The following KIF2C variants were observed in gnomAD, a reference collection of about 807,000 sequenced individuals.
KIF2C encodes the protein kinesin family member 2C.
In KIF2C, 34 loss-of-function variants were observed where a neutral mutation model predicts 97.4. That is an observed-to-expected ratio of 0.35 (90% CI 0.27 to 0.46). The LOEUF is 0.46. Among genes scored for constraint, KIF2C ranks in the 20% least tolerant of loss-of-function variants. KIF2C has a pLI of 1.00. For synonymous variants in KIF2C, 313 were observed against 318.2 expected, an observed-to-expected ratio of 0.98 and a Z score of 0.17; for missense variants, 750 against 907.6, an observed-to-expected ratio of 0.83 and a Z score of 2.23.
Position 44,760,700 on chromosome 1 carries a change from A to T in KIF2C, c.1681A>T (p.Met561Leu). 6.2e-7 allele frequency: 1 copy of T among 1,611,358 alleles called. No individual in the cohort carries two copies. The highest frequency in any genetic ancestry group is 8.5e-7 in the Non-Finnish European group (1 of 1,177,504). ...CATTGGGGAGAACTCTAGGACTTGC[A>T]TGGTGAGTAGGGTCACTTTGAAGGT... ...SFIGENSRTC[M>L]IATISPGISS... Residue 561 changes from methionine to leucine, a missense_variant and splice_region_variant, in exon 16 of 21, where the codon ATG becomes TTG. Transcript: ENST00000372224. This position sits in a 1 kb window ranked among gnomAD's most constrained non-coding sequence, Gnocchi z 4.2.
In KIF2C at chr1:44,767,235, C is replaced by G; in HGVS notation, c.*56C>G. The G allele has an allele frequency of 6.5e-7, 1 of 1,530,018 alleles. No individual in the cohort carries two copies. Among genetic ancestry groups the G allele is most frequent in the Non-Finnish European group, 9.0e-7 (1 of 1,106,510 alleles). 94.8% of individuals were successfully genotyped at this position (1,530,018 alleles called of 1,614,324 possible). On this transcript the variant is annotated 3_prime_UTR_variant, in exon 21 of 21. Coordinates refer to ENST00000372224, the MANE Select transcript of KIF2C (RefSeq NM_006845.4). ...CACCCAGCCTCTTCCCTGGCCCTCC[C>G]CAGAGAACTTTGGGTACCTGGTGGG...
At chr1:44,753,885 C>A in intron 7 of KIF2C, 52 bp downstream of exon 7, 3 of 1,029,278 alleles carry the variant, frequency 2.9e-6, no homozygotes, top group East Asian at 2.6e-5. Flanking sequence ...TGTCCTTAAC[C>A]GAAACTCTAC....
chr1:44,749,082 A>AG (rs1460344363), intron 4 of KIF2C, among the ~76,000 whole-genome samples: 1 of 152,148 alleles, frequency 6.6e-6, no homozygotes, highest in Non-Finnish European at 1.5e-5. Context: ...AGATCACCTG[A>AG]GGTCAGGAGT....
intron 7 of KIF2C, 122 bp downstream of exon 7, chr1:44,753,955 A>G (rs1245232131): frequency 7.2e-5 from 14 of 193,192 alleles, no homozygotes; most frequent in African/African-American, 3.5e-4. Context: ...TGAGGCCCCA[A>G]TTCTTTTTTT....
chr1:44,739,864 GAC>G lies in KIF2C; in HGVS notation c.-68_-67del, dbSNP rs1360159282. The G allele has an allele frequency of 1.4e-5, 20 of 1,427,460 alleles. No homozygotes were observed. The highest frequency in any genetic ancestry group is 1.7e-4 in the Middle Eastern group (1 of 5,724). 88.4% of individuals were successfully genotyped at this position (1,427,460 alleles called of 1,614,324 possible). On this transcript the variant is annotated 5_prime_UTR_variant, in exon 1 of 21. Transcript: ENST00000372224. Reference sequence around the variant, plus strand: ...ACTGCGGCGGTTTACGCGGCGTTAAGACTTCGTAGGGTTAGCGAAATTGAGGT... The same window carrying G: ...ACTGCGGCGGTTTACGCGGCGTTAAGTTCGTAGGGTTAGCGAAATTGAGGT...
intron 2 of KIF2C, among the ~76,000 whole-genome samples, chr1:44,743,367 C>T (rs1414513333): frequency 6.6e-5 from 10 of 152,166 alleles, no homozygotes; most frequent in African/African-American, 1.9e-4. Flanking sequence ...ATAATGTCTA[C>T]CTCACAGGGT....
At chr1:44,767,072 TA>T (rs1650507892) in intron 20 of KIF2C, 24 bp from the exon 21 acceptor site, 9 of 1,613,130 alleles carry the variant, frequency 5.6e-6, no homozygotes, top group Non-Finnish European at 6.8e-6. Flanking sequence ...ACTAACCCCA[TA>T]TGTACCGCTA....
chr1:44,764,758 C>A (rs1389675535), intron 19 of KIF2C, among the ~76,000 whole-genome samples: 5 of 152,086 alleles, frequency 3.3e-5, no homozygotes, highest in African/African-American at 1.2e-4. Flanking sequence ...ATCCTCCCGC[C>A]CCGACCTCCC....
At chr1:44,759,090 C>T in intron 13 of KIF2C, 116 bp from the exon 14 acceptor site, 1 of 1,346,756 alleles carries the variant, frequency 7.4e-7, no homozygotes, top group Non-Finnish European at 1.0e-6. Context: ...AGTTCGTATT[C>T]TCTGCCTTTC....
intron 5 of KIF2C, among the ~76,000 whole-genome samples, chr1:44,751,220 A>G (rs944965763): frequency 1.3e-5 from 2 of 151,730 alleles, no homozygotes; most frequent in African/African-American, 2.4e-5. Flanking sequence ...ATTGAGACAG[A>G]GTCTCACTCT....
Position 44,754,845 on chromosome 1 carries a change from T to C in KIF2C, c.759T>C (p.Pro253=). 6.4e-7 allele frequency: 1 copy of C among 1,559,324 alleles called. No individual in the cohort carries two copies. Among genetic ancestry groups the C allele is most frequent in the Middle Eastern group, 1.7e-4 (1 of 5,964 alleles). The stretch of plus-strand genomic sequence containing the variant: ...GTCATCCACTTACTATGACTGATCC[T>C]GTAAGTACATCCAAAGAACTTCTCT... The part of the protein sequence containing the change: ...LECHPLTMTD[P]IEEHRICVCV... The change falls in exon 8 of 21, where the codon CCT becomes CCC. Residue 253 remains proline, a splice_region_variant and synonymous_variant. Transcript: ENST00000372224.
chr1:44,749,844 C>T (rs768532624), intron 4 of KIF2C, among the ~76,000 whole-genome samples: 14 of 151,416 alleles, frequency 9.2e-5, no homozygotes, highest in Admixed American at 2.0e-4. Context: ...TTTGGGAGGC[C>T]GAGGCGGGTG....
intron 5 of KIF2C, 137 bp downstream of exon 5, chr1:44,750,701 TTTC>T (rs1649466254): frequency 9.7e-7 from 1 of 1,027,774 alleles, no homozygotes; most frequent in South Asian, 3.7e-5. Flanking sequence ...CCAACACGGC[TTTC>T]TTATTTGGAA....
chr1:44,747,289 C>T lies in KIF2C; in HGVS notation c.166-95C>T, dbSNP rs556418707. On this transcript the variant is annotated intron_variant, in intron 2 of 20. Transcript: ENST00000372224. ...CACCACTGCCCTCCAGCCTGGGCGA[C>T]AGAGCGATACTCTGTCTCAAAAAAA... 75 of 1,023,414 alleles carry T rather than the reference C, an allele frequency of 7.3e-5. 1 individual carries two copies. The East Asian group carries it at 1.6e-3, about 22-fold the overall frequency. The allele number at this position is 1,023,414 out of a possible 1,614,324, so 63.4% of individuals were successfully genotyped here.
At chr1:44,762,718 C>A in intron 19 of KIF2C, 60 bp downstream of exon 19, 1 of 1,092,818 alleles carries the variant, frequency 9.2e-7, no homozygotes, top group Non-Finnish European at 1.4e-6. Context: ...ATGCTCCACA[C>A]CATTCCCAGA....
rs1650539719 is a variant in KIF2C, at chr1:44,767,553, C to CT, written c.*377dup. The CT allele has an allele frequency of 4.6e-6, 1 of 215,146 alleles. No homozygotes were observed. The highest frequency in any genetic ancestry group is 9.5e-6 in the Non-Finnish European group (1 of 104,902). The allele number at this position is 215,146 out of a possible 1,614,324, so 13.3% of individuals were successfully genotyped here. A position where few individuals can be genotyped will look rare whatever the true frequency, so the allele number is the denominator to read the frequency against. ...CTGGCTCTGGGGAGAGAGACGGAGC[C>CT]TTTAGTACAGCTATCTGCTGGCTCT... On this transcript the variant is annotated 3_prime_UTR_variant, in exon 21 of 21. Coordinates refer to ENST00000372224, the MANE Select transcript of KIF2C (RefSeq NM_006845.4).
chr1:44,765,478 AAAG>A (rs1650410639), intron 19 of KIF2C, among the ~76,000 whole-genome samples: 1 of 151,924 alleles, frequency 6.6e-6, no homozygotes, highest in East Asian at 1.9e-4. Flanking sequence ...AGAAAGAAAG[AAAG>A]AAAAAAACCA....
At chr1:44,754,035 A>C (rs1051632699) in intron 7 of KIF2C, among the ~76,000 whole-genome samples, 9 of 131,204 alleles carry the variant, frequency 6.9e-5, no homozygotes, top group Non-Finnish European at 1.4e-4. Context: ...GCTCACTGCA[A>C]CCTCCACCTC....
chr1:44,750,079 CA>C (rs67811341), intron 4 of KIF2C, among the ~76,000 whole-genome samples: 23,448 of 68,460 alleles, frequency 0.34, 2,009 homozygotes, highest in African/African-American at 0.46. Context: ...CGAAACTCCT[CA>C]AAAAAAAAAA....
Sources: allele counts gnomAD v4.1 joint callset (sites outside exome capture counted in the v4.1 genomes callset), GRCh38; gene constraint gnomAD v4.1.1; non-coding constraint Gnocchi (gnomAD v3.1); transcripts MANE v1.5; gene names NCBI Gene and HGNC (gene_info 2026-07-23, HGNC 2026-07-21).